The following ZER1 variants were observed in gnomAD, a reference collection of about 807,000 sequenced individuals.
ZER1 encodes the protein protein zer-1 homolog.
ZER1 carries 11 observed loss-of-function variants against 78.8 expected under a neutral mutation model. The observed-to-expected ratio is 0.14, with a 90% CI of 0.09 to 0.23. The LOEUF (loss-of-function observed/expected upper bound fraction) is 0.23, where lower values mean the gene tolerates loss of function less well. ZER1 is among the 10% of genes least tolerant of loss of function. The pLI is 1.00. For synonymous variants in ZER1, 400 were observed against 407.0 expected (o/e 0.98, Z 0.21); for missense variants, 588 against 996.9 (o/e 0.59, Z 5.52).
chr9:128,740,238 ATCG>A lies in ZER1; in HGVS notation c.1854-122_1854-120del, dbSNP rs1401245129. The stretch of plus-strand genomic sequence containing the variant: ...GGTGCTACTTATTTCTTTATCCCAT[ATCG>A]TCTATATACCCAGACTACTTCTAAA... On this transcript the variant is annotated intron_variant, in intron 12 of 15. Transcript: ENST00000291900. The surrounding 1 kb of genome is among the most constrained non-coding windows in gnomAD (Gnocchi z 4.4). 5.1e-6 allele frequency: 5 copies of A among 984,918 alleles called. No individual in the cohort carries two copies. Among genetic ancestry groups the A allele is most frequent in the Non-Finnish European group, 7.5e-6 (5 of 670,812 alleles). 61.0% of individuals were successfully genotyped at this position (984,918 alleles called of 1,614,324 possible).
intron 8 of ZER1, among the ~76,000 whole-genome samples, chr9:128,745,131 C>A (rs1471836075): frequency 6.6e-6 from 1 of 151,928 alleles, no homozygotes; most frequent in Non-Finnish European, 1.5e-5. Flanking sequence ...TAGGAGCTCT[C>A]CAGTTGCTCT....
At chr9:128,733,644 C>G (rs1564389331) in intron 14 of ZER1, 116 bp from the exon 15 acceptor site, 1 of 903,514 alleles carries the variant, frequency 1.1e-6, no homozygotes, top group Non-Finnish European at 1.7e-6. Flanking sequence ...GAAGGCACAG[C>G]CCTTGGTGGG....
rs1589532614 is a variant in ZER1 at position 128,751,276 on chromosome 9, T to G, written c.1039-8A>C. Reference sequence around the variant, plus strand: ...GTTTTTGTCACCACTTACCTGCGGGTGGGACACGCTCAGAACAACCCAGCA... The same window carrying G: ...GTTTTTGTCACCACTTACCTGCGGGGGGGACACGCTCAGAACAACCCAGCA... On this transcript the variant is annotated splice_region_variant and splice_polypyrimidine_tract_variant and intron_variant, in intron 6 of 15. Coordinates refer to ENST00000291900, the MANE Select transcript of ZER1 (RefSeq NM_006336.4). This position sits in a 1 kb window ranked among gnomAD's most constrained non-coding sequence, Gnocchi z 5.4. 1 of 1,596,948 alleles carries G rather than the reference T, an allele frequency of 6.3e-7. No individual in the cohort carries two copies. The highest frequency in any genetic ancestry group is 8.6e-7 in the Non-Finnish European group (1 of 1,166,326).
intron 8 of ZER1, among the ~76,000 whole-genome samples, chr9:128,743,123 CTTTT>C (rs557303084): frequency 6.8e-6 from 1 of 146,058 alleles, no homozygotes; most frequent in Non-Finnish European, 1.5e-5. Context: ...CTTTTTCTTT[CTTTT>C]TTTTTTTTGA....
rs1486964116 is a variant in ZER1, at chr9:128,753,796, G to A, written c.309+13C>T. On this transcript the variant is annotated intron_variant, in intron 3 of 15. Coordinates refer to ENST00000291900, the MANE Select transcript of ZER1 (RefSeq NM_006336.4). The surrounding 1 kb of genome is among the most constrained non-coding windows in gnomAD (Gnocchi z 7.5). Reference sequence around the variant, plus strand: ...TGTGGGCCCTCCTGGCGCTGTGGCGGGGCAGGTCTCACCTGCTTGCGGATG... The same window carrying A: ...TGTGGGCCCTCCTGGCGCTGTGGCGAGGCAGGTCTCACCTGCTTGCGGATG... 2.6e-6 allele frequency: 4 copies of A among 1,558,692 alleles called. No individual in the cohort carries two copies. Among genetic ancestry groups the A allele is most frequent in the Non-Finnish European group, 1.7e-6 (2 of 1,154,512 alleles).
At chr9:128,769,369 T>C (rs1864314005) in intron 1 of ZER1, among the ~76,000 whole-genome samples, 1 of 152,198 alleles carries the variant, frequency 6.6e-6, no homozygotes, top group Non-Finnish European at 1.5e-5. Context: ...CAGCCCATGA[T>C]TTTATCTAAT....
chr9:128,750,514 G>C, intron 8 of ZER1, 102 bp downstream of exon 8: 10 of 1,376,624 alleles, frequency 7.3e-6, no homozygotes, highest in Non-Finnish European at 9.9e-6. Flanking sequence ...AGGGAGCTGG[G>C]ACAGATGCAG....
chr9:128,741,649 G>A lies in ZER1; in HGVS notation c.1623C>T (p.Asp541=). 6.2e-7 allele frequency: 1 copy of A among 1,614,162 alleles called. No homozygotes were observed. Among genetic ancestry groups the A allele is most frequent in the Non-Finnish European group, 8.5e-7 (1 of 1,180,028 alleles). ...CACTCCAGGAGAACTCCATGACCTG[G>A]TCACACTGTGAGGGCAGGGCAGGGC... The part of the protein sequence containing the change: ...IQKKLLDKTC[D]QVMEFSWSAL... The change falls in exon 11 of 16, where the codon GAC becomes GAT. Residue 541 remains aspartate (D), a synonymous_variant. Coordinates refer to ENST00000291900, the MANE Select transcript of ZER1 (RefSeq NM_006336.4).
intron 13 of ZER1, among the ~76,000 whole-genome samples, chr9:128,737,302 C>T (rs77961046): frequency 0.03 from 4,625 of 152,064 alleles, 222 homozygotes; most frequent in African/African-American, 0.1. Context: ...GCTCTTCTGA[C>T]GAGGGCCTTC....
At position 128,735,757 on chromosome 9, in the gene ZER1, CCTGGTTTTTTTTTT is replaced by C. The variant is rs1436691061; in HGVS notation, c.2043-340_2043-327del. ...ACCCTGGGAACAGAAGCACGTGTGACCTGGTTTTTTTTTTTTTTTTTTTTTTTTTTTTTTTTGTG... is the reference window on the plus strand; with the variant it reads ...ACCCTGGGAACAGAAGCACGTGTGACTTTTTTTTTTTTTTTTTTTTTTGTG... On this transcript the variant is annotated intron_variant, in intron 13 of 15. Coordinates refer to ENST00000291900, the MANE Select transcript of ZER1 (RefSeq NM_006336.4). Among the ~76,000 whole-genome samples, 453 of 77,356 alleles carry C rather than the reference CCTGGTTTTTTTTTT, an allele frequency of 5.9e-3. 47 individuals are homozygous for C. Among genetic ancestry groups the C allele is most frequent in the African/African-American group, 0.024 (433 of 17,892 alleles). The allele number at this position is 77,356 out of a possible 152,430, so 50.7% of individuals were successfully genotyped here.
intron 1 of ZER1, among the ~76,000 whole-genome samples, chr9:128,769,785 A>G (rs1026051018): frequency 6.6e-6 from 1 of 152,200 alleles, no homozygotes; most frequent in African/African-American, 2.4e-5. Flanking sequence ...AAGCAGCGGC[A>G]TAACTTAACT....
chr9:128,741,149 A>G (rs1863277404), intron 11 of ZER1, among the ~76,000 whole-genome samples: 1 of 152,206 alleles, frequency 6.6e-6, no homozygotes, highest in African/African-American at 2.4e-5. Context: ...TCTGTTCACC[A>G]AAGCTCAAAA....
chr9:128,741,733 CA>C (rs1863300670), intron 10 of ZER1, 66 bp downstream of exon 10: 2 of 1,614,040 alleles, frequency 1.2e-6, no homozygotes, highest in Non-Finnish European at 1.7e-6. Context: ...AGACCTCCCC[CA>C]GGGGCAGCCC....
In ZER1 at chr9:128,740,955, C is replaced by T. The variant is rs1237507843; in HGVS notation, c.1738-68G>A. On this transcript the variant is annotated intron_variant, in intron 11 of 15. Coordinates refer to ENST00000291900, the MANE Select transcript of ZER1 (RefSeq NM_006336.4). This position sits in a 1 kb window ranked among gnomAD's most constrained non-coding sequence, Gnocchi z 4.4. ...ATGACTTAGTATCTGGTATTGTTAA[C>T]CAAAAAGCTTCATGGGCATCTGGCC... is the stretch of plus-strand genomic sequence containing the variant. 5.3e-6 allele frequency: 4 copies of T among 752,240 alleles called. No individual in the cohort carries two copies. Among genetic ancestry groups the T allele is most frequent in the Non-Finnish European group, 9.9e-6 (4 of 402,748 alleles). The allele number at this position is 752,240 out of a possible 1,614,324, so 46.6% of individuals were successfully genotyped here.
At position 128,735,290 on chromosome 9, in the gene ZER1, T is replaced by C. The variant is rs1863027144; in HGVS notation, c.2140+44A>G. The C allele has an allele frequency of 3.2e-6, 5 of 1,560,448 alleles. No individual in the cohort carries two copies. In the South Asian group the frequency reaches 4.6e-5, roughly 14 times the overall value. On this transcript the variant is annotated intron_variant, in intron 14 of 15. Transcript: ENST00000291900. ...CAAACTCCCTGAGGGCACATCTGCT[T>C]TCAGCTGGATGAGTGTCTGAACCCA...
chr9:128,735,788 T>G (rs1863054841), intron 13 of ZER1, among the ~76,000 whole-genome samples: 1 of 137,864 alleles, frequency 7.3e-6, no homozygotes, highest in South Asian at 2.4e-4. Flanking sequence ...TTTTTTTTTT[T>G]TTTTTGTGAG....
chr9:128,757,170 GA>G (rs998031103), intron 1 of ZER1, among the ~76,000 whole-genome samples: 6 of 152,160 alleles, frequency 3.9e-5, no homozygotes, highest in African/African-American at 1.2e-4. Flanking sequence ...CACATGAAGA[GA>G]AAAAAACTGA....
At chr9:128,734,458 A>G (rs968903498) in intron 14 of ZER1, among the ~76,000 whole-genome samples, 11 of 150,958 alleles carry the variant, frequency 7.3e-5, no homozygotes, top group Admixed American at 6.6e-5. Flanking sequence ...CAGCCTCCCA[A>G]TGTGCTAGGA....
At chr9:128,743,369 G>A (rs1863371562) in intron 8 of ZER1, among the ~76,000 whole-genome samples, 2 of 152,040 alleles carry the variant, frequency 1.3e-5, no homozygotes, top group African/African-American at 2.4e-5. Flanking sequence ...GCCTGCCTTG[G>A]CCTCCCAAAG....
Sources: allele counts gnomAD v4.1 joint callset (sites outside exome capture counted in the v4.1 genomes callset), GRCh38; gene constraint gnomAD v4.1.1; non-coding constraint Gnocchi (gnomAD v3.1); transcripts MANE v1.5; gene names NCBI Gene and HGNC (gene_info 2026-07-23, HGNC 2026-07-21).